EGFL6: variants seen among roughly 807,000 people sequenced by gnomAD.
EGFL6 encodes epidermal growth factor-like protein 6.
A neutral mutation model predicts 43.1 loss-of-function variants in EGFL6; 42 were observed. That is an observed-to-expected ratio of 0.98 (90% CI 0.76 to 1.26). The LOEUF (loss-of-function observed/expected upper bound fraction) is 1.26, where lower values mean the gene tolerates loss of function less well. Ranked by LOEUF, EGFL6 falls within the 50% of genes most tolerant of loss-of-function variation. The probability of loss-of-function intolerance (pLI) is 0.00; values close to 1 mark genes in which losing one functional copy is unlikely to be tolerated. For missense variants in EGFL6, 429 were observed against 427.8 expected (o/e 1.00, Z -0.02); for synonymous variants, 164 against 163.2 (o/e 1.01, Z -0.04).
chrX:13,581,755 G>A (rs931569321), intron 1 of EGFL6, among the ~76,000 whole-genome samples: 1 of 111,855 alleles, frequency 8.9e-6, no homozygotes, highest in African/African-American at 3.3e-5. Context: ...TGGAGACGGC[G>A]ATTTTCTGAT....
chrX:13,579,629 T>TATATATC (rs2045494280), intron 1 of EGFL6, among the ~76,000 whole-genome samples: 1 of 111,716 alleles, frequency 9.0e-6, no homozygotes, highest in Admixed American at 9.5e-5. Context: ...GATTGCTGGG[T>TATATATC]CAAATAGTAG....
intron 9 of EGFL6, among the ~76,000 whole-genome samples, chrX:13,622,131 T>C (rs768764063): frequency 8.9e-6 from 1 of 112,526 alleles, no homozygotes; most frequent in African/African-American, 3.2e-5. Flanking sequence ...AAGCCAGTAT[T>C]ACCTGGCATC....
intron 7 of EGFL6, among the ~76,000 whole-genome samples, chrX:13,608,742 G>A (rs955795211): frequency 1.8e-5 from 2 of 112,372 alleles, no homozygotes; most frequent in African/African-American, 6.5e-5. Context: ...TAACATTTAA[G>A]GACAAAAGAC....
chrX:13,573,051 G>A (rs985304512), intron 1 of EGFL6, among the ~76,000 whole-genome samples: 3 of 111,722 alleles, frequency 2.7e-5, no homozygotes, highest in African/African-American at 9.8e-5. Flanking sequence ...ATTCTTCCTT[G>A]TTTTCTTCCT....
intron 3 of EGFL6, among the ~76,000 whole-genome samples, chrX:13,595,909 G>A (rs1270599836): frequency 3.6e-5 from 4 of 109,801 alleles, no homozygotes; most frequent in Non-Finnish European, 7.6e-5. Context: ...TTGTATAGAC[G>A]AGGTCCCACT....
chrX:13,582,912 A>G (rs1253765093), intron 1 of EGFL6, among the ~76,000 whole-genome samples: 3 of 111,515 alleles, frequency 2.7e-5, no homozygotes, highest in Non-Finnish European at 3.8e-5. Context: ...GATTTCAACA[A>G]ATTTCTATTT....
At chrX:13,626,879 G>T (rs60157506) in intron 10 of EGFL6, 132 bp from the exon 11 acceptor site, 19,742 of 699,619 alleles carry the variant, frequency 0.028, 871 homozygotes, top group African/African-American at 0.17. Context: ...TTATTCCTAT[G>T]TTCAAAATGA....
intron 11 of EGFL6, among the ~76,000 whole-genome samples, chrX:13,630,212 T>C (rs2045803145): frequency 1.8e-5 from 2 of 111,941 alleles, no homozygotes; most frequent in Admixed American, 1.9e-4. Flanking sequence ...GGGACCATCT[T>C]CCAGAAAAGT....
intron 2 of EGFL6, 137 bp downstream of exon 2, chrX:13,589,805 G>T: frequency 2.3e-6 from 1 of 431,673 alleles, no homozygotes. Flanking sequence ...CCAAGGTCTG[G>T]GTTCCTATGA....
At chrX:13,593,702 A>G (rs763591526) in intron 2 of EGFL6, among the ~76,000 whole-genome samples, 113 of 112,231 alleles carry the variant, frequency 1.0e-3, no homozygotes, top group Admixed American at 1.3e-3. Context: ...TAGTTGTTCA[A>G]TGAATGAGTT....
intron 11 of EGFL6, among the ~76,000 whole-genome samples, chrX:13,627,573 A>C (rs2045788664): frequency 8.9e-6 from 1 of 112,262 alleles, no homozygotes; most frequent in Non-Finnish European, 1.9e-5. Context: ...CGTAGTATGT[A>C]AAAGAATGTC....
Position 13,589,687 on chromosome X carries a change from A to T in EGFL6, c.187+19A>T. ...TGTGAAGGTAATTTTGTAAAAACTC[A>T]GACCCTGCACTTGGATCAGGGCCCT... On this transcript the variant is annotated intron_variant, in intron 2 of 11. Coordinates refer to ENST00000361306, the MANE Select transcript of EGFL6 (RefSeq NM_015507.4). 8.5e-7 allele frequency: 1 copy of T among 1,178,028 alleles called. No individual in the cohort carries two copies. Among genetic ancestry groups the T allele is most frequent in the Non-Finnish European group, 1.2e-6 (1 of 867,481 alleles).
intron 1 of EGFL6, among the ~76,000 whole-genome samples, chrX:13,581,402 C>G (rs1008347778): frequency 2.7e-5 from 3 of 111,328 alleles, no homozygotes; most frequent in Non-Finnish European, 5.6e-5. Flanking sequence ...TTTTAACTGG[C>G]TAAGTACAGT....
At chrX:13,571,070 C>T (rs886519965) in intron 1 of EGFL6, among the ~76,000 whole-genome samples, 18 of 109,336 alleles carry the variant, frequency 1.6e-4, no homozygotes, top group African/African-American at 6.0e-4. Flanking sequence ...GTGGCCTCTA[C>T]TCACTAGATA....
chrX:13,580,335 C>T (rs2045498703), intron 1 of EGFL6, among the ~76,000 whole-genome samples: 1 of 111,693 alleles, frequency 9.0e-6, no homozygotes, highest in African/African-American at 3.3e-5. Flanking sequence ...GAATCTCAAG[C>T]CCCAGCCTCT....
At chrX:13,616,053 C>T (rs1391497083) in intron 7 of EGFL6, among the ~76,000 whole-genome samples, 1 of 111,792 alleles carries the variant, frequency 8.9e-6, no homozygotes, top group East Asian at 2.8e-4. Flanking sequence ...TAGACCCTTT[C>T]TTGCTTAGTC....
Position 13,606,501 on chromosome X carries a change from T to TA in EGFL6, c.644dup (p.Tyr215Ter). The change falls in exon 6 of 12, where the codon TAT (tyrosine) becomes TAAT (stop). Residue 215 changes from tyrosine to a stop codon, truncating the protein, a stop_gained and frameshift_variant. Transcript: ENST00000361306. LOFTEE classifies it high-confidence loss of function. ...GFELQYISGRYDCIDINECTM... is the reference protein window; with the variant it reads ...GFELQYISGR The stretch of plus-strand genomic sequence containing the variant: ...CGAACTGCAATATATCAGTGGACGA[T>TA]ATGACTGTATAGGTAAGATTCGATG... 10 of 1,211,138 alleles carry TA rather than the reference T, an allele frequency of 8.3e-6. No homozygotes were observed. Among genetic ancestry groups the TA allele is most frequent in the Non-Finnish European group, 1.0e-5 (9 of 895,080 alleles).
chrX:13,624,500 T>A (rs1002694828), intron 10 of EGFL6, among the ~76,000 whole-genome samples: 6 of 111,275 alleles, frequency 5.4e-5, no homozygotes, highest in African/African-American at 2.0e-4. Flanking sequence ...TTTTTCTCAA[T>A]CTTATCTGTG....
intron 1 of EGFL6, among the ~76,000 whole-genome samples, chrX:13,586,649 G>T (rs2045535362): frequency 9.0e-6 from 1 of 111,092 alleles, no homozygotes; most frequent in Admixed American, 9.6e-5. Flanking sequence ...TTGGGATTAG[G>T]GTTTCAATAT....
Sources: allele counts gnomAD v4.1 joint callset (sites outside exome capture counted in the v4.1 genomes callset), GRCh38; gene constraint gnomAD v4.1.1; transcripts MANE v1.5; gene names NCBI Gene and HGNC (gene_info 2026-07-23, HGNC 2026-07-21).